Variants in PCDHA7 observed in about 807,000 individuals in gnomAD.
PCDHA7 encodes protocadherin alpha 7.
Under a neutral mutation model 57.2 loss-of-function variants are expected in PCDHA7, and 37 were observed. That is an observed-to-expected ratio of 0.65 (90% confidence interval 0.50 to 0.85). PCDHA7 has a LOEUF of 0.85. PCDHA7 is among the 40% of genes least tolerant of loss of function. The probability of loss-of-function intolerance (pLI) is 0.00; values close to 1 mark genes in which losing one functional copy is unlikely to be tolerated. For missense variants in PCDHA7, 1,188 were observed against 1,241.8 expected (o/e 0.96, Z 0.65); for synonymous variants, 553 against 558.8 (o/e 0.99, Z 0.15).
intron 3 of PCDHA7, among the ~76,000 whole-genome samples, chr5:140,989,263 A>G (rs2097334941): frequency 6.6e-6 from 1 of 152,146 alleles, no homozygotes; most frequent in South Asian, 2.1e-4. Flanking sequence ...GGGAGATTCA[A>G]GTTTCTGCTG....
intron 1 of PCDHA7, chr5:140,870,969 C>T: frequency 1.2e-6 from 2 of 1,613,644 alleles, no homozygotes; most frequent in Non-Finnish European, 1.7e-6. Context: ...TCCCGTTCCG[C>T]GTGGGGCTGT....
At chr5:140,955,146 T>C (rs184262984) in intron 1 of PCDHA7, among the ~76,000 whole-genome samples, 10 of 152,338 alleles carry the variant, frequency 6.6e-5, no homozygotes, top group African/African-American at 2.4e-4. Context: ...TCTGTTTTTG[T>C]ACCAGTACCG....
chr5:140,981,685 C>G lies in PCDHA7; in HGVS notation c.2415-790C>G, dbSNP rs369964011. 6.6e-4 allele frequency among the ~76,000 whole-genome samples: 101 copies of G among 152,166 alleles called. No individual in the cohort carries two copies. In the South Asian group the frequency reaches 0.018, roughly 27 times the overall value. ...TCCTTCCTTTCTTCCTTCCTCCCTT[C>G]CATCATTCATTCATTCATTCATTCA... On this transcript the variant is annotated intron_variant, in intron 2 of 3. Transcript: ENST00000525929.
chr5:140,891,934 T>C lies in PCDHA7; in HGVS notation c.2355+55196T>C, dbSNP rs373423866. Among the ~76,000 whole-genome samples the C allele has an allele frequency of 5.9e-5, 9 of 152,230 alleles. No homozygotes were observed. The East Asian group carries it at 9.6e-4, about 16-fold the overall frequency. ...AGATGCTGGTGCCTTGATCTTGGAC[T>C]TCCCCTAGGCTCCAGAATTGTGAGA... On this transcript the variant is annotated intron_variant, in intron 1 of 3. Transcript: ENST00000525929.
chr5:140,886,844 A>AG lies in PCDHA7; in HGVS notation c.2355+50106_2355+50107insG, dbSNP rs1203919867. Among the ~76,000 whole-genome samples, 142 of 150,728 alleles carry AG rather than the reference A, an allele frequency of 9.4e-4. 2 individuals are homozygous for AG. Among genetic ancestry groups the AG allele is most frequent in the African/African-American group, 2.8e-3 (117 of 41,122 alleles). ...TTCGTCTTGAAAAAAAAAAAAAAAAAAAAGAAAGGTCTTCCCAACTCCTAT... is the reference window on the plus strand; with the variant it reads ...TTCGTCTTGAAAAAAAAAAAAAAAAAGAAAGAAAGGTCTTCCCAACTCCTAT... On this transcript the variant is annotated intron_variant, in intron 1 of 3. Coordinates refer to ENST00000525929, the MANE Select transcript of PCDHA7 (RefSeq NM_018910.3).
chr5:141,006,769 A>G (rs575481848), intron 3 of PCDHA7, among the ~76,000 whole-genome samples: 1 of 152,208 alleles, frequency 6.6e-6, no homozygotes, highest in Non-Finnish European at 1.5e-5. Flanking sequence ...AGAATAGAAT[A>G]GAGAAAAATG....
At chr5:140,984,408 T>G (rs1394037702) in intron 3 of PCDHA7, among the ~76,000 whole-genome samples, 2 of 152,200 alleles carry the variant, frequency 1.3e-5, no homozygotes, top group African/African-American at 2.4e-5. Flanking sequence ...AACCTATCTT[T>G]TTTACAGAGA....
At chr5:140,926,650 T>G (rs1014447499) in intron 1 of PCDHA7, 13 of 487,778 alleles carry the variant, frequency 2.7e-5, no homozygotes, top group Middle Eastern at 5.5e-4. Flanking sequence ...CCCGGCCGGC[T>G]CCGCTTTCCC....
intron 1 of PCDHA7, chr5:140,843,199 G>C (rs2150355178): frequency 6.3e-7 from 1 of 1,596,082 alleles, no homozygotes; most frequent in South Asian, 1.1e-5. Flanking sequence ...GCGTGGGGCT[G>C]TACACGGGCG....
At chr5:140,888,544 C>T (rs1295573540) in intron 1 of PCDHA7, among the ~76,000 whole-genome samples, 1 of 152,140 alleles carries the variant, frequency 6.6e-6, no homozygotes, top group Non-Finnish European at 1.5e-5. Flanking sequence ...TGCTCAGTAC[C>T]AATTTATTCC....
At chr5:140,984,464 C>T (rs890686701) in intron 3 of PCDHA7, among the ~76,000 whole-genome samples, 1 of 152,184 alleles carries the variant, frequency 6.6e-6, no homozygotes, top group Non-Finnish European at 1.5e-5. Context: ...GTCCCAGCCC[C>T]TCTTGTATAA....
intron 1 of PCDHA7, among the ~76,000 whole-genome samples, chr5:140,912,634 G>A (rs1435924500): frequency 6.6e-6 from 1 of 152,016 alleles, no homozygotes; most frequent in African/African-American, 2.4e-5. Context: ...GAGACTTTCA[G>A]TACTATGTTG....
At chr5:140,969,221 C>A (rs1222433541) in intron 1 of PCDHA7, 1 of 1,614,040 alleles carries the variant, frequency 6.2e-7, no homozygotes, top group African/African-American at 1.3e-5. Context: ...AGGACCAGGG[C>A]CTTCGGGAGC....
At chr5:140,870,535 G>C (rs1279597936) in intron 1 of PCDHA7, 2 of 1,614,056 alleles carry the variant, frequency 1.2e-6, no homozygotes, top group Non-Finnish European at 8.5e-7. Context: ...CACAGTGTCG[G>C]CGCGGGACGC....
In PCDHA7 at chr5:140,852,860, T is replaced by C. The variant is rs2150523334; in HGVS notation, c.2355+16122T>C. On this transcript the variant is annotated intron_variant, in intron 1 of 3. Transcript: ENST00000525929. ...GAGCTAGTACTTACTAAGCATTTAC[T>C]ATGTCATCAATAATCATAAAACGTA... is the stretch of plus-strand genomic sequence containing the variant. 26 of 961,500 alleles carry C rather than the reference T, an allele frequency of 2.7e-5. 2 individuals are homozygous for C. Among genetic ancestry groups the C allele is most frequent in the Admixed American group, 1.9e-4 (3 of 15,764 alleles). 59.6% of individuals were successfully genotyped at this position (961,500 alleles called of 1,614,324 possible).
chr5:140,854,040 T>A, intron 1 of PCDHA7: 1 of 281,106 alleles, frequency 3.6e-6, no homozygotes, highest in Non-Finnish European at 5.5e-6. Flanking sequence ...CACACATCTC[T>A]AGTCCCAATT....
chr5:140,974,945 A>G (rs2096646889), intron 1 of PCDHA7, among the ~76,000 whole-genome samples: 1 of 152,180 alleles, frequency 6.6e-6, no homozygotes, highest in African/African-American at 2.4e-5. Flanking sequence ...CCTATTTGTT[A>G]TCTCACAGTC....
intron 1 of PCDHA7, chr5:140,850,145 G>T: frequency 1.3e-6 from 2 of 1,595,560 alleles, no homozygotes; most frequent in South Asian, 1.1e-5. Context: ...GCAACGTGAC[G>T]CTGCAGGTGT....
chr5:140,970,814 C>T (rs1175939096), intron 1 of PCDHA7, among the ~76,000 whole-genome samples: 1 of 152,068 alleles, frequency 6.6e-6, no homozygotes, highest in Non-Finnish European at 1.5e-5. Flanking sequence ...ATTTCAAGTT[C>T]ATGGTAATCT....
Sources: gnomAD v4.1 joint callset for allele counts (sites outside exome capture counted in the v4.1 genomes callset) on GRCh38, gnomAD v4.1.1 for gene constraint, MANE v1.5 for transcripts, NCBI Gene and HGNC (gene_info 2026-07-23, HGNC 2026-07-21) for gene names.